ETS1: variants seen among roughly 807,000 people sequenced by gnomAD.
ETS1 encodes protein C-ets-1.
Under a neutral mutation model 58.6 loss-of-function variants are expected in ETS1, and 15 were observed. The ratio of observed to expected loss-of-function variants is 0.26; its 90% CI spans 0.17 to 0.39. The LOEUF is 0.39. Among genes scored for constraint, ETS1 ranks in the 10% least tolerant of loss-of-function variants. The pLI is 1.00. For synonymous variants in ETS1, 214 were observed against 218.2 expected (o/e 0.98, Z 0.17); for missense variants, 417 against 610.5 (o/e 0.68, Z 3.34).
rs71055286 is a variant in ETS1 at position 128,585,332 on chromosome 11, C to CAAGGAAGGAAGG, written c.-15+2144_-15+2155dup. On this transcript the variant is annotated intron_variant, in intron 1 of 9. Transcript: ENST00000392668. The stretch of plus-strand genomic sequence containing the variant: ...GGGAGGGAAGAAGGAAGGAAGGAAG[C>CAAGGAAGGAAGG]AAGGAAGGAAGGAAGCAAGGAAGGA... Among the ~76,000 whole-genome samples, 25 of 137,348 alleles carry CAAGGAAGGAAGG rather than the reference C, an allele frequency of 1.8e-4. 1 individual carries two copies. The highest frequency in any genetic ancestry group is 6.1e-4 in the African/African-American group (22 of 36,354). The allele number at this position is 137,348 out of a possible 152,430, so 90.1% of individuals were successfully genotyped here. A position where few individuals can be genotyped will look rare whatever the true frequency, so the allele number is the denominator to read the frequency against.
At chr11:128,513,288 A>G (rs915890748) in intron 3 of ETS1, among the ~76,000 whole-genome samples, 2 of 152,206 alleles carry the variant, frequency 1.3e-5, no homozygotes, top group Non-Finnish European at 2.9e-5. Context: ...AATGTTACCT[A>G]AAGTCATAAG....
At position 128,522,175 on chromosome 11, in the gene ETS1, C is replaced by T. The variant is rs888267014; in HGVS notation, c.215-31599G>A. On this transcript the variant is annotated intron_variant, in intron 3 of 9. Transcript: ENST00000392668. ...CCCGGACGGTGCGCGCCCGGCACTC[C>T]AGGGGAAGTTGGCACTTTGCGGCGA... is the stretch of plus-strand genomic sequence containing the variant. 3.1e-6 allele frequency: 4 copies of T among 1,274,662 alleles called. No homozygotes were observed. The South Asian group carries it at 8.9e-5, about 29-fold the overall frequency. 79.0% of individuals were successfully genotyped at this position (1,274,662 alleles called of 1,614,324 possible).
rs534399180 is a variant in ETS1, at chr11:128,537,139, A to G, written c.214+19152T>C. Among the ~76,000 whole-genome samples, 70 of 152,162 alleles carry G rather than the reference A, an allele frequency of 4.6e-4. 2 individuals carry two copies. The South Asian group carries it at 0.015, about 32-fold the overall frequency. On this transcript the variant is annotated intron_variant, in intron 3 of 9. Transcript: ENST00000392668. ...AATACTGAAGATGCATATTAGCTCA[A>G]CTCTTTCAAATCATTCATGTGTCCA...
intron 1 of ETS1, among the ~76,000 whole-genome samples, chr11:128,582,690 C>A (rs527542918): frequency 1.3e-4 from 20 of 152,112 alleles, no homozygotes; most frequent in African/African-American, 4.8e-4. Flanking sequence ...GAGAAAAGAG[C>A]CACAATTTCT....
intron 3 of ETS1, among the ~76,000 whole-genome samples, chr11:128,548,063 A>T (rs757006986): frequency 1.7e-4 from 25 of 145,154 alleles, no homozygotes; most frequent in Non-Finnish European, 3.0e-4. Context: ...TTCAATAGGG[A>T]AAAAAAGAGA....
Position 128,571,542 on chromosome 11 carries a change from A to C in ETS1, c.69+1520T>G, listed in dbSNP as rs955666224. ...AAAAAAAAAAAAAAAAAAAAAAAAA[A>C]ACTTCAAACAATTCAGGTCTTTTAA... On this transcript the variant is annotated intron_variant, in intron 2 of 9. Coordinates refer to ENST00000392668, the MANE Select transcript of ETS1 (RefSeq NM_001143820.2). Among the ~76,000 whole-genome samples, 12 of 128,892 alleles carry C rather than the reference A, an allele frequency of 9.3e-5. 1 individual carries two copies. In the East Asian group the frequency reaches 2.8e-3, roughly 30 times the overall value. The allele number at this position is 128,892 out of a possible 152,430, so 84.6% of individuals were successfully genotyped here.
At chr11:128,475,197 T>G (rs892094771) in intron 8 of ETS1, among the ~76,000 whole-genome samples, 1 of 152,264 alleles carries the variant, frequency 6.6e-6, no homozygotes, top group African/African-American at 2.4e-5. Flanking sequence ...AAAAGTTTCC[T>G]CAGTTGTTGT....
chr11:128,481,200 A>G (rs1591602263), intron 7 of ETS1, among the ~76,000 whole-genome samples: 2 of 152,296 alleles, frequency 1.3e-5, no homozygotes, highest in Non-Finnish European at 2.9e-5. Flanking sequence ...TTTAAACTTC[A>G]TTGGAAAAGT....
intron 3 of ETS1, among the ~76,000 whole-genome samples, chr11:128,496,845 AAAG>A (rs1193873343): frequency 6.6e-6 from 1 of 152,186 alleles, no homozygotes; most frequent in Admixed American, 6.5e-5. Context: ...AGGTTAATGC[AAAG>A]AAGGGAGGGA....
chr11:128,559,646 G>A (rs1276574510), intron 2 of ETS1, among the ~76,000 whole-genome samples: 1 of 152,158 alleles, frequency 6.6e-6, no homozygotes, highest in African/African-American at 2.4e-5. Flanking sequence ...GGATGCTCCT[G>A]AGAAGCCTTT....
chr11:128,500,020 C>T (rs950266990), intron 3 of ETS1, among the ~76,000 whole-genome samples: 13 of 152,228 alleles, frequency 8.5e-5, no homozygotes, highest in African/African-American at 2.7e-4. Context: ...AACACAGAGA[C>T]AGGCCTCTTC....
intron 1 of ETS1, among the ~76,000 whole-genome samples, chr11:128,584,148 GACTT>G (rs1295087989): frequency 6.6e-6 from 1 of 152,174 alleles, no homozygotes; most frequent in Non-Finnish European, 1.5e-5. Context: ...GGAAGGGACT[GACTT>G]ACTTACCCAG....
intron 3 of ETS1, among the ~76,000 whole-genome samples, chr11:128,512,652 G>A (rs1011405593): frequency 2.0e-5 from 3 of 152,240 alleles, no homozygotes; most frequent in East Asian, 3.8e-4. Flanking sequence ...AGGATCAGCC[G>A]GTGGCCACCT....
intron 1 of ETS1, among the ~76,000 whole-genome samples, chr11:128,575,396 G>C (rs1171541651): frequency 6.6e-6 from 1 of 152,168 alleles, no homozygotes; most frequent in Non-Finnish European, 1.5e-5. Context: ...TGAAACCTCG[G>C]AAGGCAAAAC....
intron 8 of ETS1, among the ~76,000 whole-genome samples, chr11:128,465,688 G>A (rs370575749): frequency 2.5e-4 from 38 of 152,282 alleles, no homozygotes; most frequent in South Asian, 6.2e-4. Context: ...AAGAAGCCTC[G>A]GAGGAGAGGG....
intron 2 of ETS1, among the ~76,000 whole-genome samples, chr11:128,560,321 C>T (rs1357023877): frequency 2.0e-5 from 3 of 152,196 alleles, no homozygotes; most frequent in African/African-American, 7.2e-5. Flanking sequence ...TCCTGTTGGC[C>T]AGGCTGGTCT....
intron 1 of ETS1, among the ~76,000 whole-genome samples, chr11:128,576,737 C>T (rs1379808262): frequency 6.6e-6 from 1 of 152,022 alleles, no homozygotes; most frequent in Admixed American, 6.5e-5. Context: ...CTGCACCCTC[C>T]ACTGCAACAT....
At chr11:128,571,412 G>A (rs1864626263) in intron 2 of ETS1, among the ~76,000 whole-genome samples, 2 of 135,666 alleles carry the variant, frequency 1.5e-5, no homozygotes, top group South Asian at 2.7e-4. Context: ...GCGAGACTCC[G>A]TCCAGCCTGG....
chr11:128,503,777 A>G (rs947810214), intron 3 of ETS1, among the ~76,000 whole-genome samples: 3 of 152,186 alleles, frequency 2.0e-5, no homozygotes, highest in South Asian at 2.1e-4. Flanking sequence ...ACATGGTAGG[A>G]GTCAGGAGAA....
Sources: gnomAD v4.1 joint callset for allele counts (sites outside exome capture counted in the v4.1 genomes callset) on GRCh38, gnomAD v4.1.1 for gene constraint, MANE v1.5 for transcripts, NCBI Gene and HGNC (gene_info 2026-07-23, HGNC 2026-07-21) for gene names.